AHI1: variants seen among roughly 807,000 people sequenced by gnomAD.
The protein encoded by AHI1 is jouberin.
In AHI1, 123 loss-of-function variants were observed where a neutral mutation model predicts 149.3. That is an observed-to-expected ratio of 0.82 (90% CI 0.71 to 0.96). AHI1 has a LOEUF of 0.96. AHI1 is among the 40% of genes least tolerant of loss of function. The pLI is 0.00. For synonymous variants in AHI1, 475 were observed against 459.8 expected (o/e 1.03, Z -0.42); for missense variants, 1,439 against 1,422.7 (o/e 1.01, Z -0.18).
chr6:135,435,303 T>C (rs549392036), intron 15 of AHI1: 2 of 152,298 alleles, frequency 1.3e-5, no homozygotes, highest in African/African-American at 4.8e-5. Flanking sequence ...AATGTGTGCT[T>C]TAGCATAATA....
chr6:135,340,658 CATATAT>C (rs71006759), intron 24 of AHI1, among the ~76,000 whole-genome samples: 13 of 38,064 alleles, frequency 3.4e-4, no homozygotes, highest in South Asian at 1.0e-3. Context: ...TACATACATA[CATATAT>C]ATATATATAT....
chr6:135,396,436 A>G (rs1779222073), intron 22 of AHI1, among the ~76,000 whole-genome samples: 1 of 151,868 alleles, frequency 6.6e-6, no homozygotes, highest in East Asian at 1.9e-4. Flanking sequence ...AGTGCTATTC[A>G]TATGTTAACC....
chr6:135,302,902 C>T, intron 26 of AHI1: 1 of 906,316 alleles, frequency 1.1e-6, no homozygotes, highest in South Asian at 1.5e-5. Context: ...AACATGACTG[C>T]CCTTCTTTCC....
chr6:135,308,613 A>G (rs1784800050), intron 26 of AHI1, among the ~76,000 whole-genome samples: 1 of 152,234 alleles, frequency 6.6e-6, no homozygotes, highest in African/African-American at 2.4e-5. Context: ...AATTTATAGT[A>G]TTCTCTAAAC....
Position 135,448,420 on chromosome 6 carries a change from T to C in AHI1, c.1496A>G (p.Tyr499Cys). Residue 499 changes from tyrosine to cysteine, a missense_variant, in exon 12 of 29, where the codon TAT becomes TGT. Transcript: ENST00000265602. ...NINSKLRLQL[Y>C]YPPTKPRSPL... Reference sequence around the variant, plus strand: ...GGATCGAGGCTTAGTAGGTGGGTAATATAGCTGCAAGCGAAGTTTTGAGTT... The same window carrying C: ...GGATCGAGGCTTAGTAGGTGGGTAACATAGCTGCAAGCGAAGTTTTGAGTT... 1.3e-6 allele frequency: 2 copies of C among 1,576,432 alleles called. No homozygotes were observed. Among genetic ancestry groups the C allele is most frequent in the East Asian group, 2.3e-5 (1 of 44,328 alleles).
At chr6:135,443,289 T>A (rs1324355828) in intron 13 of AHI1, among the ~76,000 whole-genome samples, 2 of 152,360 alleles carry the variant, frequency 1.3e-5, no homozygotes, top group Non-Finnish European at 2.9e-5. Flanking sequence ...CACCCTCTTC[T>A]ACCAGATGAA....
chr6:135,385,057 C>A (rs1176061452), intron 23 of AHI1, among the ~76,000 whole-genome samples: 1 of 152,126 alleles, frequency 6.6e-6, no homozygotes, highest in African/African-American at 2.4e-5. Flanking sequence ...CCACTGCACT[C>A]CTGCCTGGGC....
intron 20 of AHI1, among the ~76,000 whole-genome samples, chr6:135,423,422 A>G (rs1783497226): frequency 6.6e-6 from 1 of 152,190 alleles, no homozygotes; most frequent in South Asian, 2.1e-4. Context: ...TGAGCAACTT[A>G]AATAACAAAT....
intron 4 of AHI1, among the ~76,000 whole-genome samples, chr6:135,491,026 G>A (rs1292733196): frequency 1.3e-5 from 2 of 152,098 alleles, no homozygotes; most frequent in East Asian, 1.9e-4. Context: ...ATCTACCACT[G>A]TTAGTTACGT....
chr6:135,369,881 G>A (rs1774767770), intron 23 of AHI1, among the ~76,000 whole-genome samples: 1 of 152,032 alleles, frequency 6.6e-6, no homozygotes, highest in South Asian at 2.1e-4. Context: ...TAAGAGAAAT[G>A]GAAATCCTGA....
At chr6:135,417,524 C>A (rs1782555819) in intron 20 of AHI1, among the ~76,000 whole-genome samples, 1 of 151,936 alleles carries the variant, frequency 6.6e-6, no homozygotes, top group African/African-American at 2.4e-5. Flanking sequence ...TAACAAAAAG[C>A]AGAGCCTAAT....
At chr6:135,328,520 T>A (rs147268505) in intron 24 of AHI1, among the ~76,000 whole-genome samples, 1 of 152,128 alleles carries the variant, frequency 6.6e-6, no homozygotes, top group East Asian at 1.9e-4. Context: ...AATAACTTAA[T>A]TGATAAATGT....
intron 21 of AHI1, among the ~76,000 whole-genome samples, chr6:135,407,085 C>A (rs890524371): frequency 2.0e-5 from 3 of 152,138 alleles, no homozygotes; most frequent in Non-Finnish European, 2.9e-5. Flanking sequence ...TATATTATGA[C>A]TAAATGGTAA....
chr6:135,325,049 T>TG (rs1433860199), intron 24 of AHI1, among the ~76,000 whole-genome samples: 6 of 149,586 alleles, frequency 4.0e-5, no homozygotes, highest in Non-Finnish European at 7.4e-5. Context: ...TTTTTTGAGA[T>TG]GGAGTCTGGC....
At chr6:135,407,774 A>G (rs1273005781) in intron 21 of AHI1, among the ~76,000 whole-genome samples, 1 of 152,090 alleles carries the variant, frequency 6.6e-6, no homozygotes, top group Non-Finnish European at 1.5e-5. Context: ...GCACTTTGGG[A>G]GGCCGAGGTG....
intron 9 of AHI1, among the ~76,000 whole-genome samples, chr6:135,456,578 A>G (rs565744296): frequency 1.3e-5 from 2 of 151,490 alleles, no homozygotes; most frequent in Admixed American, 1.3e-4. Flanking sequence ...AATTGATTTT[A>G]CATAAAAAAG....
At chr6:135,449,074 T>C (rs1286085370) in intron 11 of AHI1, among the ~76,000 whole-genome samples, 2 of 152,158 alleles carry the variant, frequency 1.3e-5, no homozygotes, top group East Asian at 1.9e-4. Flanking sequence ...TTGGGCAGAA[T>C]CTCGCTCTGT....
At chr6:135,328,908 A>C (rs1336243287) in intron 24 of AHI1, among the ~76,000 whole-genome samples, 1 of 152,176 alleles carries the variant, frequency 6.6e-6, no homozygotes, top group Non-Finnish European at 1.5e-5. Flanking sequence ...CTGATATGGA[A>C]GTTTTAGTGG....
chr6:135,411,659 G>GTTAT (rs1781614216), intron 20 of AHI1, 115 bp from the exon 21 acceptor site: 1 of 758,440 alleles, frequency 1.3e-6, no homozygotes, highest in African/African-American at 1.8e-5. Flanking sequence ...TAAAAACTGG[G>GTTAT]TAATAATAAG....
Sources: allele counts gnomAD v4.1 joint callset (sites outside exome capture counted in the v4.1 genomes callset), GRCh38; gene constraint gnomAD v4.1.1; transcripts MANE v1.5; gene names NCBI Gene and HGNC (gene_info 2026-07-23, HGNC 2026-07-21).